DPF3: variants seen among roughly 807,000 people sequenced by gnomAD.
DPF3 encodes the protein zinc finger protein DPF3.
Under a neutral mutation model 56.8 loss-of-function variants are expected in DPF3, and 18 were observed. The ratio of observed to expected loss-of-function variants is 0.32; its 90% CI spans 0.22 to 0.47. The LOEUF (loss-of-function observed/expected upper bound fraction) is 0.47. Ranked by LOEUF, DPF3 falls within the 20% of genes least tolerant of loss-of-function variation. DPF3 has a pLI of 1.00. For synonymous variants in DPF3, 188 were observed against 180.2 expected (o/e 1.04, Z -0.35); for missense variants, 403 against 488.8 (o/e 0.82, Z 1.65).
At chr14:72,817,613 T>G (rs4903066) in intron 1 of DPF3, among the ~76,000 whole-genome samples, 47,897 of 152,010 alleles carry the variant, frequency 0.32, 7,605 homozygotes, top group East Asian at 0.4. Flanking sequence ...AGCAGATGGA[T>G]GTTTCAGTGA....
At position 72,616,095 on chromosome 14, in the gene DPF3, C is replaced by A. The variant is rs917634563; in HGVS notation, c.*3202G>T. On this transcript the variant is annotated 3_prime_UTR_variant, in exon 11 of 11. Transcript: ENST00000556509. ...GACCATCATCATGCCAGACCCGGGC[C>A]AGGATCTTTACCAATGTCACCTTGA... 6.6e-6 allele frequency among the ~76,000 whole-genome samples: 1 copy of A among 152,148 alleles called. No individual in the cohort carries two copies. The highest frequency in any genetic ancestry group is 2.4e-5 in the African/African-American group (1 of 41,432).
chr14:72,838,673 C>T (rs1426272987), intron 1 of DPF3, among the ~76,000 whole-genome samples: 4 of 151,766 alleles, frequency 2.6e-5, no homozygotes, highest in Non-Finnish European at 5.9e-5. Context: ...AGGAGAATCG[C>T]TTGAACCCAG....
intron 2 of DPF3, among the ~76,000 whole-genome samples, chr14:72,764,895 T>C (rs11846755): frequency 0.36 from 54,614 of 151,974 alleles, 9,960 homozygotes; most frequent in Middle Eastern, 0.41. Flanking sequence ...GGACTTGAAA[T>C]TGGCATATGA....
At chr14:72,756,826 A>AAGAGAGAAAGAG (rs1190716419) in intron 2 of DPF3, among the ~76,000 whole-genome samples, 1 of 60,820 alleles carries the variant, frequency 1.6e-5, no homozygotes, top group Admixed American at 1.7e-4. Context: ...GAAAGACAGA[A>AAGAGAGAAAGAG]AGAAAGAAAG....
chr14:72,832,789 G>A (rs1877220428), intron 1 of DPF3, among the ~76,000 whole-genome samples: 1 of 152,132 alleles, frequency 6.6e-6, no homozygotes. Context: ...TTTGGTTTGG[G>A]CCATACTGGG....
chr14:72,769,678 C>CA (rs59586674), intron 2 of DPF3, among the ~76,000 whole-genome samples: 1,896 of 42,028 alleles, frequency 0.045, 79 homozygotes, highest in South Asian at 0.071. Context: ...GACTCCATCT[C>CA]AAAAAAAAAA....
At chr14:72,843,378 A>G (rs971380896) in intron 1 of DPF3, among the ~76,000 whole-genome samples, 24 of 152,190 alleles carry the variant, frequency 1.6e-4, no homozygotes, top group Admixed American at 8.5e-4. Context: ...GAATGAGGGG[A>G]AAAAGGCGTA....
At chr14:72,764,824 G>A (rs1016170633) in intron 2 of DPF3, among the ~76,000 whole-genome samples, 5 of 152,164 alleles carry the variant, frequency 3.3e-5, no homozygotes, top group African/African-American at 1.2e-4. Flanking sequence ...GATCAAACAT[G>A]AGGGGCAGTC....
intron 1 of DPF3, among the ~76,000 whole-genome samples, chr14:72,873,162 C>T (rs1479028445): frequency 3.3e-5 from 5 of 151,192 alleles, no homozygotes; most frequent in Admixed American, 3.3e-4. Context: ...AAAATTTTTG[C>T]AATCTACTCA....
At chr14:72,680,453 G>A (rs1176694059) in intron 7 of DPF3, among the ~76,000 whole-genome samples, 1 of 152,238 alleles carries the variant, frequency 6.6e-6, no homozygotes, top group Non-Finnish European at 1.5e-5. Flanking sequence ...CGGGGAAGCA[G>A]ACAGTAGGGC....
At chr14:72,699,792 T>C (rs1327752686) in intron 6 of DPF3, among the ~76,000 whole-genome samples, 1 of 152,166 alleles carries the variant, frequency 6.6e-6, no homozygotes, top group Non-Finnish European at 1.5e-5. Flanking sequence ...ATCAGATGCC[T>C]GAGAAGGGTC....
At position 72,659,249 on chromosome 14, in the gene DPF3, T is replaced by C. The variant is rs565013979; in HGVS notation, c.871+14991A>G. Among the ~76,000 whole-genome samples the C allele has an allele frequency of 3.3e-5, 5 of 152,344 alleles. No homozygotes were observed. In the East Asian group the frequency reaches 9.6e-4, roughly 29 times the overall value. On this transcript the variant is annotated intron_variant, in intron 8 of 10. Coordinates refer to ENST00000556509, the MANE Select transcript of DPF3 (RefSeq NM_001280542.3). ...AGATACCTGCTCTGTCAGCATCGGA[T>C]TGGCAACCCCAGAGCTAACCATCTA...
intron 6 of DPF3, among the ~76,000 whole-genome samples, chr14:72,700,818 G>A (rs996440493): frequency 1.6e-4 from 24 of 152,230 alleles, no homozygotes; most frequent in South Asian, 4.1e-4. Context: ...CCTGCTCCCC[G>A]CGGTGAGACC....
chr14:72,860,799 C>T (rs926794349), intron 1 of DPF3, among the ~76,000 whole-genome samples: 3 of 151,956 alleles, frequency 2.0e-5, no homozygotes, highest in Non-Finnish European at 4.4e-5. Flanking sequence ...CTCCTAGCCT[C>T]AGGTAATCCA....
intron 1 of DPF3, chr14:72,806,780 A>T (rs1162841371): frequency 6.6e-6 from 1 of 152,102 alleles, no homozygotes; most frequent in Admixed American, 6.6e-5. Context: ...CCTACCTTAC[A>T]GCAGAGTTCA....
intron 3 of DPF3, among the ~76,000 whole-genome samples, chr14:72,743,009 A>T (rs540321200): frequency 6.6e-6 from 1 of 152,258 alleles, no homozygotes; most frequent in East Asian, 1.9e-4. Flanking sequence ...ACCTTAAGCC[A>T]CTGTCGTCTT....
At chr14:72,713,623 T>C (rs1242551342) in intron 6 of DPF3, among the ~76,000 whole-genome samples, 1 of 152,196 alleles carries the variant, frequency 6.6e-6, no homozygotes, top group East Asian at 1.9e-4. Flanking sequence ...AGTGTGGTGG[T>C]GAGGGCTGCC....
intron 1 of DPF3, among the ~76,000 whole-genome samples, chr14:72,777,241 A>G (rs1384562000): frequency 6.6e-6 from 1 of 152,200 alleles, no homozygotes; most frequent in African/African-American, 2.4e-5. Context: ...AAGCTCATCT[A>G]CACCAATATG....
At chr14:72,723,823 A>AT (rs1362813365) in intron 4 of DPF3, 95 bp from the exon 5 acceptor site, 12 of 1,269,242 alleles carry the variant, frequency 9.5e-6, no homozygotes, top group South Asian at 2.7e-5. Context: ...ATTTGTTGTT[A>AT]TTTTTTAACA....
Sources: gnomAD v4.1 joint callset for allele counts (sites outside exome capture counted in the v4.1 genomes callset) on GRCh38, gnomAD v4.1.1 for gene constraint, MANE v1.5 for transcripts, NCBI Gene and HGNC (gene_info 2026-07-23, HGNC 2026-07-21) for gene names.